FGD6: variants seen among roughly 807,000 people sequenced by gnomAD.
FGD6 encodes FYVE, RhoGEF and PH domain containing 6.
Under a neutral mutation model 149.4 loss-of-function variants are expected in FGD6, and 90 were observed. The ratio of observed to expected loss-of-function variants is 0.60; its 90% CI spans 0.51 to 0.72. The LOEUF is 0.72. Ranked by LOEUF, FGD6 falls within the 30% of genes least tolerant of loss-of-function variation. FGD6 has a pLI of 0.00. For synonymous variants in FGD6, 527 were observed against 584.0 expected, an observed-to-expected ratio of 0.90 and a Z score of 1.41; for missense variants, 1,437 against 1,684.8, an observed-to-expected ratio of 0.85 and a Z score of 2.57.
chr12:95,109,238 T>C (rs1295199532), intron 9 of FGD6, among the ~76,000 whole-genome samples: 1 of 152,198 alleles, frequency 6.6e-6, no homozygotes. Flanking sequence ...TCTTTATAAC[T>C]AGGTCTAAAG....
Position 95,210,946 on chromosome 12 carries a change from C to G in FGD6, c.338G>C (p.Ser113Thr). The G allele has an allele frequency of 1.2e-6, 2 of 1,614,216 alleles. No homozygotes were observed. Among genetic ancestry groups the G allele is most frequent in the Non-Finnish European group, 1.7e-6 (2 of 1,180,048 alleles). ...GCCCAGCTTATGGATACACTCAGAACTGCAGGAACACATTGGTGAAATATA... is the reference window on the plus strand; with the variant it reads ...GCCCAGCTTATGGATACACTCAGAAGTGCAGGAACACATTGGTGAAATATA... ...NDYISPMCSC[S>T]SECIHKLGHR... Residue 113 changes from serine (S) to threonine (T), a missense_variant, in exon 2 of 21, where the codon AGT becomes ACT. Transcript: ENST00000343958.
chr12:95,181,814 C>T (rs1175474030), intron 2 of FGD6, among the ~76,000 whole-genome samples: 6 of 151,880 alleles, frequency 4.0e-5, no homozygotes, highest in Admixed American at 6.6e-5. Context: ...ATTAGCTGGG[C>T]GTGGTGGCGG....
At chr12:95,214,741 C>T (rs60649734) in intron 1 of FGD6, among the ~76,000 whole-genome samples, 17,024 of 152,192 alleles carry the variant, frequency 0.11, 1,403 homozygotes, top group African/African-American at 0.23. Context: ...CACGTGTACA[C>T]TCTCTGGCTA....
intron 2 of FGD6, among the ~76,000 whole-genome samples, chr12:95,206,134 G>A (rs1226965884): frequency 6.6e-6 from 1 of 151,950 alleles, no homozygotes; most frequent in Non-Finnish European, 1.5e-5. Context: ...AGCCCTTAGG[G>A]TTTAAGCCTG....
At chr12:95,211,562 C>T (rs1347795871) in intron 1 of FGD6, among the ~76,000 whole-genome samples, 5 of 139,408 alleles carry the variant, frequency 3.6e-5, no homozygotes, top group African/African-American at 5.3e-5. Context: ...TTTTGTGAGA[C>T]GGAGTCTTGC....
intron 14 of FGD6, among the ~76,000 whole-genome samples, chr12:95,100,060 C>A (rs968308104): frequency 4.8e-4 from 4 of 8,344 alleles, no homozygotes; most frequent in Admixed American, 1.4e-3. Context: ...TCTGATCCCC[C>A]CCCCCCCCAC....
chr12:95,146,015 TG>T (rs1880005679), intron 5 of FGD6, among the ~76,000 whole-genome samples: 1 of 152,158 alleles, frequency 6.6e-6, no homozygotes. Context: ...CCTGCCATAC[TG>T]TGCTTTTGCT....
chr12:95,171,813 C>T (rs778069341), intron 3 of FGD6, among the ~76,000 whole-genome samples: 4 of 152,096 alleles, frequency 2.6e-5, no homozygotes, highest in Non-Finnish European at 5.9e-5. Flanking sequence ...CCGTGCCCAG[C>T]CCTCATGCAT....
chr12:95,139,254 A>G lies in FGD6; in HGVS notation c.2838-1576T>C, dbSNP rs543150977. Among the ~76,000 whole-genome samples the G allele has an allele frequency of 5.4e-4, 82 of 152,228 alleles. No homozygotes were observed. In the South Asian group the frequency reaches 0.017, roughly 31 times the overall value. ...CAGGAGCACAAGACCAGCCAAGGAA[A>G]CACAGGGCAACCTGTCTCTACAAAA... is the stretch of plus-strand genomic sequence containing the variant. On this transcript the variant is annotated intron_variant, in intron 6 of 20. Coordinates refer to ENST00000343958, the MANE Select transcript of FGD6 (RefSeq NM_018351.4).
chr12:95,146,350 A>G (rs1181144237), intron 5 of FGD6, among the ~76,000 whole-genome samples: 2 of 152,222 alleles, frequency 1.3e-5, no homozygotes, highest in Non-Finnish European at 2.9e-5. Context: ...AATTTGGGAA[A>G]GTGTGATGAC....
chr12:95,134,730 G>A lies in FGD6; in HGVS notation c.3082+9C>T. 1 of 1,612,936 alleles carries A rather than the reference G, an allele frequency of 6.2e-7. No homozygotes were observed. The highest frequency in any genetic ancestry group is 1.3e-5 in the African/African-American group (1 of 75,054). On this transcript the variant is annotated intron_variant, in intron 8 of 20. Transcript: ENST00000343958. ...ACTGGGTGGTTGGCAAAATGCTGGA[G>A]AAGCCCACCTGTCAGCAACAGCCTG...
chr12:95,137,491 G>C (rs1879701342), intron 7 of FGD6, 31 bp downstream of exon 7: 1 of 1,449,096 alleles, frequency 6.9e-7, no homozygotes, highest in South Asian at 1.6e-5. Context: ...AAAAGAAAGA[G>C]AAGTGTTCAA....
chr12:95,156,962 T>C (rs1399788774), intron 3 of FGD6, among the ~76,000 whole-genome samples: 1 of 152,188 alleles, frequency 6.6e-6, no homozygotes, highest in Non-Finnish European at 1.5e-5. Context: ...CAAATAATTT[T>C]ATTACACCTT....
At position 95,210,314 on chromosome 12, in the gene FGD6, G is replaced by C. The variant is rs149396482; in HGVS notation, c.970C>G (p.Arg324Gly). 1 of 1,614,134 alleles carries C rather than the reference G, an allele frequency of 6.2e-7. No individual in the cohort carries two copies. ...TPKPRKTRTA[R>G]LLRQKCVDTP... is the part of the protein sequence containing the mutation. ...TCTACACACTTTTGGCGTAACAGAC[G>C]AGCAGTTCGTGTCTTTCTGGGCTTG... The change falls in exon 2 of 21, where the codon CGT (arginine) becomes GGT (glycine). Residue 324 changes from arginine (R) to glycine (G), a missense_variant. Around this residue, in one of 2 missense-constraint regions of FGD6, gnomAD observed 1,055 missense variants for 1,146.0 expected, o/e 0.92. Coordinates refer to ENST00000343958, the MANE Select transcript of FGD6 (RefSeq NM_018351.4).
At chr12:95,167,577 G>GTTTTTT (rs57751064) in intron 3 of FGD6, among the ~76,000 whole-genome samples, 1 of 138,384 alleles carries the variant, frequency 7.2e-6, no homozygotes, top group Non-Finnish European at 1.5e-5. Context: ...ACTGTTTGAG[G>GTTTTTT]TTTTTTTTTT....
In FGD6 at chr12:95,157,473, G is replaced by C. The variant is rs530603660; in HGVS notation, c.2587-4480C>G. On this transcript the variant is annotated intron_variant, in intron 3 of 20. Transcript: ENST00000343958. Reference sequence around the variant, plus strand: ...CCCAGCCACTTGGGAGGCTGAGGCAGGAGAATCACTTGAACCCAGGAGGCA... The same window carrying C: ...CCCAGCCACTTGGGAGGCTGAGGCACGAGAATCACTTGAACCCAGGAGGCA... 4.6e-5 allele frequency among the ~76,000 whole-genome samples: 7 copies of C among 150,612 alleles called. No individual in the cohort carries two copies. In the South Asian group the frequency reaches 1.5e-3, roughly 31 times the overall value.
At chr12:95,084,700 G>C in intron 19 of FGD6, 54 bp from the exon 20 acceptor site, 1 of 1,465,416 alleles carries the variant, frequency 6.8e-7, no homozygotes, top group African/African-American at 1.4e-5. Context: ...ACAAAATTCA[G>C]ATTTGAAAAC....
intron 17 of FGD6, among the ~76,000 whole-genome samples, chr12:95,089,948 C>T (rs1476973025): frequency 6.6e-6 from 1 of 151,952 alleles, no homozygotes; most frequent in Non-Finnish European, 1.5e-5. Context: ...TTATGAAACA[C>T]GTGACTATAC....
chr12:95,161,604 T>A (rs1438923742), intron 3 of FGD6, among the ~76,000 whole-genome samples: 1 of 152,212 alleles, frequency 6.6e-6, no homozygotes, highest in African/African-American at 2.4e-5. Context: ...ACTCTCTACT[T>A]ACATTAAGTT....
Sources: gnomAD v4.1 joint callset for allele counts (sites outside exome capture counted in the v4.1 genomes callset) on GRCh38, gnomAD v4.1.1 for gene constraint, gnomAD v4.1.1 regional missense constraint, MANE v1.5 for transcripts, NCBI Gene and HGNC (gene_info 2026-07-23, HGNC 2026-07-21) for gene names.